The following GRIP1 variants were observed in gnomAD, a reference collection of about 807,000 sequenced individuals.
The protein encoded by GRIP1 is glutamate receptor-interacting protein 1.
GRIP1 carries 45 observed loss-of-function variants against 129.9 expected under a neutral mutation model. The ratio of observed to expected loss-of-function variants is 0.35; its 90% CI spans 0.27 to 0.44. GRIP1 has a LOEUF of 0.44. Ranked by LOEUF, GRIP1 falls within the 20% of genes least tolerant of loss-of-function variation. The pLI is 1.00. For synonymous variants in GRIP1, 530 were observed against 520.8 expected (o/e 1.02, Z -0.24); for missense variants, 1,196 against 1,396.8 (o/e 0.86, Z 2.29).
At chr12:66,635,136 G>C (rs1484534439) in intron 1 of GRIP1, among the ~76,000 whole-genome samples, 1 of 152,144 alleles carries the variant, frequency 6.6e-6, no homozygotes, top group Non-Finnish European at 1.5e-5. Context: ...TACATAGTTT[G>C]GGTCAGGTGC....
intron 23 of GRIP1, among the ~76,000 whole-genome samples, chr12:66,360,398 G>A (rs1015782708): frequency 2.0e-5 from 3 of 152,188 alleles, no homozygotes; most frequent in African/African-American, 4.8e-5. Context: ...CCTAGCCTGT[G>A]TAAAGCAAAA....
chr12:66,859,519 G>GA (rs2040075168), intron 1 of GRIP1, among the ~76,000 whole-genome samples: 1 of 151,950 alleles, frequency 6.6e-6, no homozygotes, highest in African/African-American at 2.4e-5. Context: ...AAGTGACTCT[G>GA]AATAAAATAA....
At chr12:66,551,774 G>T (rs1053606178) in intron 2 of GRIP1, among the ~76,000 whole-genome samples, 4 of 151,780 alleles carry the variant, frequency 2.6e-5, no homozygotes, top group African/African-American at 9.7e-5. Context: ...TACAGATGGG[G>T]TCTCACTATG....
intron 1 of GRIP1, among the ~76,000 whole-genome samples, chr12:66,659,921 G>C (rs2033394467): frequency 1.3e-5 from 2 of 152,112 alleles, no homozygotes; most frequent in Admixed American, 1.3e-4. Context: ...AAAACGCATA[G>C]AGTTAACACA....
At chr12:66,835,428 G>T (rs941737137) in intron 1 of GRIP1, among the ~76,000 whole-genome samples, 5 of 152,118 alleles carry the variant, frequency 3.3e-5, no homozygotes, top group Non-Finnish European at 5.9e-5. Context: ...GCCAGAACTT[G>T]GAATGTTTAT....
intron 1 of GRIP1, chr12:66,891,825 G>A (rs957405047): frequency 4.6e-5 from 7 of 152,214 alleles, no homozygotes; most frequent in African/African-American, 1.2e-4. Context: ...AGGAGGAAAA[G>A]GAATTCGAAG....
intron 1 of GRIP1, among the ~76,000 whole-genome samples, chr12:66,865,859 T>C (rs1166064904): frequency 6.6e-6 from 1 of 152,178 alleles, no homozygotes; most frequent in Non-Finnish European, 1.5e-5. Flanking sequence ...TCTGCTTATT[T>C]TCCAAACTCA....
At chr12:66,525,535 A>C (rs1184687202) in intron 5 of GRIP1, among the ~76,000 whole-genome samples, 1 of 152,048 alleles carries the variant, frequency 6.6e-6, no homozygotes, top group South Asian at 2.1e-4. Flanking sequence ...ATATCTCAAA[A>C]TAATAAGAGC....
intron 1 of GRIP1, among the ~76,000 whole-genome samples, chr12:66,947,909 G>T (rs370133756): frequency 2.0e-5 from 3 of 152,180 alleles, no homozygotes; most frequent in East Asian, 3.9e-4. Context: ...GCATGAAGGG[G>T]AGTTGCTCCT....
intron 1 of GRIP1, among the ~76,000 whole-genome samples, chr12:66,757,381 G>A (rs183063513): frequency 2.0e-5 from 3 of 152,174 alleles, no homozygotes; most frequent in African/African-American, 7.2e-5. Flanking sequence ...ATGACCTTCA[G>A]TTCTATCCAT....
chr12:67,054,521 T>G (rs565665008), intron 1 of GRIP1, among the ~76,000 whole-genome samples: 1 of 152,242 alleles, frequency 6.6e-6, no homozygotes, highest in Non-Finnish European at 1.5e-5. Flanking sequence ...CCCAGCATTT[T>G]GGGAGGCCGA....
At chr12:67,042,951 A>G (rs1052822429) in intron 1 of GRIP1, among the ~76,000 whole-genome samples, 6 of 152,334 alleles carry the variant, frequency 3.9e-5, no homozygotes, top group Non-Finnish European at 8.8e-5. Context: ...CATGGGACAA[A>G]TGGACTTGTC....
intron 1 of GRIP1, among the ~76,000 whole-genome samples, chr12:67,001,457 T>C (rs2042549867): frequency 6.6e-6 from 1 of 152,222 alleles, no homozygotes; most frequent in South Asian, 2.1e-4. Context: ...ATTCAACCAG[T>C]GTAGACCAGA....
At chr12:66,502,000 A>G (rs1404113244) in intron 7 of GRIP1, among the ~76,000 whole-genome samples, 2 of 152,118 alleles carry the variant, frequency 1.3e-5, no homozygotes, top group Non-Finnish European at 2.9e-5. Flanking sequence ...TCCTTCTTAG[A>G]TAGTGATTTT....
chr12:66,669,785 G>A (rs2033987408), intron 1 of GRIP1, among the ~76,000 whole-genome samples: 1 of 152,194 alleles, frequency 6.6e-6, no homozygotes, highest in Non-Finnish European at 1.5e-5. Flanking sequence ...GAGTTGCTAA[G>A]AGATGTGTGG....
intron 1 of GRIP1, among the ~76,000 whole-genome samples, chr12:66,801,433 A>G (rs369183030): frequency 6.6e-6 from 1 of 152,126 alleles, no homozygotes; most frequent in African/African-American, 2.4e-5. Flanking sequence ...CAGAAAAGTC[A>G]TCTATTATTA....
intron 1 of GRIP1, among the ~76,000 whole-genome samples, chr12:67,066,138 T>C (rs149138687): frequency 2.0e-5 from 3 of 152,302 alleles, no homozygotes; most frequent in Non-Finnish European, 4.4e-5. Flanking sequence ...TGCTCAGCAT[T>C]GCATGCCATA....
intron 1 of GRIP1, among the ~76,000 whole-genome samples, chr12:66,826,313 G>A (rs546211495): frequency 6.6e-6 from 1 of 152,228 alleles, no homozygotes; most frequent in Non-Finnish European, 1.5e-5. Context: ...GGGATGCGGG[G>A]ATAGGGGAGG....
chr12:66,647,765 C>T lies in GRIP1; in HGVS notation c.55+31085G>A, dbSNP rs536789836. On this transcript the variant is annotated intron_variant, in intron 1 of 24. Coordinates refer to ENST00000359742, the MANE Select transcript of GRIP1 (RefSeq NM_001366722.1). ...CAAAAGGTACTTTGTAAATCATGAT[C>T]GTCTTTTTCCTCCTCCTTCTCTGGA... is the stretch of plus-strand genomic sequence containing the variant. 8.5e-5 allele frequency among the ~76,000 whole-genome samples: 13 copies of T among 152,250 alleles called. No individual in the cohort carries two copies. In the South Asian group the frequency reaches 1.2e-3, roughly 15 times the overall value.
Sources: gnomAD v4.1 joint callset for allele counts (sites outside exome capture counted in the v4.1 genomes callset) on GRCh38, gnomAD v4.1.1 for gene constraint, MANE v1.5 for transcripts, NCBI Gene and HGNC (gene_info 2026-07-23, HGNC 2026-07-21) for gene names.